ATP7B: variants seen among roughly 807,000 people sequenced by gnomAD.
ATP7B encodes the protein copper-transporting ATPase 2.
In ATP7B, 113 loss-of-function variants were observed where a neutral mutation model predicts 118.9. That is an observed-to-expected ratio of 0.95 (90% CI 0.82 to 1.11). The LOEUF is 1.11. Ranked by LOEUF, ATP7B falls within the 50% of genes most tolerant of loss-of-function variation. The probability of loss-of-function intolerance (pLI) is 0.00; values close to 1 mark genes in which losing one functional copy is unlikely to be tolerated. For missense variants in ATP7B, 1,867 were observed against 1,871.4 expected (o/e 1.00, Z 0.04); for synonymous variants, 777 against 727.4 (o/e 1.07, Z -1.10).
chr13:51,949,051 G>A (rs1393162011), intron 12 of ATP7B, among the ~76,000 whole-genome samples: 2 of 152,068 alleles, frequency 1.3e-5, no homozygotes, highest in East Asian at 3.9e-4. Flanking sequence ...GTGGTGGCGT[G>A]TGCCTGTAGT....
At position 51,934,992 on chromosome 13, in the gene ATP7B, C is replaced by T. The variant is rs745866259; in HGVS notation, c.4162G>A (p.Ala1388Thr). The T allele has an allele frequency of 3.2e-5, 51 of 1,613,938 alleles. 1 individual carries two copies. The Admixed American group carries it at 7.8e-4, about 25-fold the overall frequency. Residue 1388 changes from alanine to threonine, a missense_variant, in exon 21 of 21, where the codon GCG (alanine) becomes ACG (threonine). Physicochemically the swap from Ala to Thr is moderately conservative, Grantham distance 58. Transcript: ENST00000242839. ...GTCAGGGGCTTCATGTGGCCATGCG[C>T]CTGTGCCTCATACCTCTCCAGGTCA... Reference protein sequence around the residue: ...KPDLERYEAQAHGHMKPLTAS... With the variant: ...KPDLERYEAQTHGHMKPLTAS...
intron 17 of ATP7B, 33 bp downstream of exon 17, chr13:51,939,018 C>T: frequency 6.2e-7 from 1 of 1,614,210 alleles, no homozygotes; most frequent in Non-Finnish European, 8.5e-7. Flanking sequence ...CTTTTATGAG[C>T]TTTACACAGT....
At chr13:51,941,328 A>G (rs1042376420) in intron 15 of ATP7B, 104 bp from the exon 16 acceptor site, 26 of 1,452,610 alleles carry the variant, frequency 1.8e-5, no homozygotes, top group Non-Finnish European at 2.3e-5. Flanking sequence ...ACCATTCTGA[A>G]AAACTGTAAC....
chr13:51,969,856 T>G (rs1874978718), intron 3 of ATP7B, among the ~76,000 whole-genome samples: 1 of 152,198 alleles, frequency 6.6e-6, no homozygotes, highest in Non-Finnish European at 1.5e-5. Context: ...AATTCAGGGC[T>G]GATTCTAAGG....
At chr13:51,948,212 A>C (rs2139130124) in intron 12 of ATP7B, among the ~76,000 whole-genome samples, 2 of 152,290 alleles carry the variant, frequency 1.3e-5, no homozygotes, top group East Asian at 3.9e-4. Flanking sequence ...TATACTTTTA[A>C]TTATGTGAAG....
chr13:51,985,045 A>G (rs976213241), intron 1 of ATP7B, among the ~76,000 whole-genome samples: 2 of 152,230 alleles, frequency 1.3e-5, no homozygotes, highest in Non-Finnish European at 2.9e-5. Flanking sequence ...TCATAATGAC[A>G]GGATCAAATT....
intron 4 of ATP7B, 24 bp from the exon 5 acceptor site, chr13:51,965,057 C>T (rs1261848338): frequency 3.1e-6 from 5 of 1,613,312 alleles, no homozygotes; most frequent in East Asian, 4.5e-5. Context: ...TGGCAAGAAT[C>T]CCACAGACCC....
At chr13:51,953,443 GTCTT>G (rs1435169507) in intron 9 of ATP7B, among the ~76,000 whole-genome samples, 3 of 152,236 alleles carry the variant, frequency 2.0e-5, no homozygotes, top group Non-Finnish European at 2.9e-5. Flanking sequence ...ACAGTTGGGT[GTCTT>G]TCTAAGAAAT....
Position 51,934,864 on chromosome 13 carries a change from C to T in ATP7B, c.4290G>A (p.Leu1430=), listed in dbSNP as rs1484552869. 3 of 1,614,212 alleles carry T rather than the reference C, an allele frequency of 1.9e-6. No homozygotes were observed. In the African/African-American group the frequency reaches 4.0e-5, roughly 22 times the overall value. Residue 1430 remains leucine, a synonymous_variant, in exon 21 of 21, where the codon CTG becomes CTA. Transcript: ENST00000242839. ...DQVSYVSQVS[L]SSLTSDKPSR... is the part of the protein sequence containing the mutation. The stretch of plus-strand genomic sequence containing the variant: ...ATGGCTTGTCGGACGTCAGGGAGGA[C>T]AGCGACACCTGGCTGACATAGCTGA...
At chr13:51,953,170 T>A (rs577576773) in intron 9 of ATP7B, among the ~76,000 whole-genome samples, 1 of 152,324 alleles carries the variant, frequency 6.6e-6, no homozygotes, top group Non-Finnish European at 1.5e-5. Context: ...TATTCTCTGC[T>A]TAATTTTAAA....
At chr13:51,963,092 CAAAA>C (rs1165735824) in intron 5 of ATP7B, among the ~76,000 whole-genome samples, 1 of 136,204 alleles carries the variant, frequency 7.3e-6, no homozygotes, top group Non-Finnish European at 1.6e-5. Flanking sequence ...AACACCAACT[CAAAA>C]AAAAAAAGAA....
intron 1 of ATP7B, among the ~76,000 whole-genome samples, chr13:51,982,698 T>C (rs1240522927): frequency 6.6e-6 from 1 of 152,098 alleles, no homozygotes; most frequent in African/African-American, 2.4e-5. Flanking sequence ...AGGAGGGTGA[T>C]TTCTGCATTT....
chr13:51,958,514 C>T lies in ATP7B; in HGVS notation c.2152G>A (p.Ala718Thr). 2 of 1,614,178 alleles carry T rather than the reference C, an allele frequency of 1.2e-6. No individual in the cohort carries two copies. The highest frequency in any genetic ancestry group is 8.5e-7 in the Non-Finnish European group (1 of 1,180,026). The change falls in exon 8 of 21, where the codon GCC becomes ACC. Residue 718 changes from alanine (A) to threonine (T), a missense_variant. By Grantham distance (58) the Ala-to-Thr change is moderately conservative. Transcript: ENST00000242839. ...GACCTGTGTCTCAGAGATTTGTAGGCCTGAACGTAGAAGTACCACCCACCG... is the reference window on the plus strand; with the variant it reads ...GACCTGTGTCTCAGAGATTTGTAGGTCTGAACGTAGAAGTACCACCCACCG... ...LLGGWYFYVQ[A>T]YKSLRHRSAN...
chr13:51,934,876 G>T lies in ATP7B; in HGVS notation c.4278C>A (p.Ser1426Arg), dbSNP rs1386613610. 2 of 1,614,204 alleles carry T rather than the reference G, an allele frequency of 1.2e-6. No homozygotes were observed. The highest frequency in any genetic ancestry group is 1.7e-6 in the Non-Finnish European group (2 of 1,180,054). Reference protein sequence around the residue: ...ATPWDQVSYVSQVSLSSLTSD... With the variant: ...ATPWDQVSYVRQVSLSSLTSD... ...ACGTCAGGGAGGACAGCGACACCTGGCTGACATAGCTGACCTGGTCCCATG... is the reference window on the plus strand; with the variant it reads ...ACGTCAGGGAGGACAGCGACACCTGTCTGACATAGCTGACCTGGTCCCATG... Residue 1426 changes from serine (S) to arginine (R), a missense_variant, in exon 21 of 21, where the codon AGC (serine) becomes AGA (arginine). Transcript: ENST00000242839.
intron 1 of ATP7B, among the ~76,000 whole-genome samples, chr13:51,982,304 C>T (rs74380418): frequency 1.7e-3 from 266 of 152,172 alleles, no homozygotes; most frequent in African/African-American, 6.1e-3. Flanking sequence ...TTCTGAATTT[C>T]TTGAGGGTAT....
At chr13:51,946,641 C>T (rs1462245642) in intron 12 of ATP7B, 163 bp from the exon 13 acceptor site, 19 of 769,294 alleles carry the variant, frequency 2.5e-5, no homozygotes, top group South Asian at 6.2e-5. Flanking sequence ...ATAGAGAACA[C>T]GTTACTGCTC....
chr13:51,941,445 T>G (rs565105604), intron 15 of ATP7B, among the ~76,000 whole-genome samples: 1 of 152,028 alleles, frequency 6.6e-6, no homozygotes, highest in Non-Finnish European at 1.5e-5. Context: ...TAATAGTACA[T>G]GCTACATGGG....
At chr13:51,980,327 A>C (rs1185079138) in intron 1 of ATP7B, among the ~76,000 whole-genome samples, 1 of 152,168 alleles carries the variant, frequency 6.6e-6, no homozygotes, top group Non-Finnish European at 1.5e-5. Context: ...CTAGCTTTTG[A>C]ATTTTTGATA....
rs1389766014 is a variant in ATP7B at position 51,933,890 on chromosome 13, G to C, written c.*866C>G. 6.6e-6 allele frequency: 1 copy of C among 152,004 alleles called. No individual in the cohort carries two copies. Among genetic ancestry groups the C allele is most frequent in the African/African-American group, 2.4e-5 (1 of 41,320 alleles). 9.4% of individuals were successfully genotyped at this position (152,004 alleles called of 1,614,324 possible). A position where few individuals can be genotyped will look rare whatever the true frequency, so the allele number is the denominator to read the frequency against. On this transcript the variant is annotated 3_prime_UTR_variant, in exon 21 of 21. Coordinates refer to ENST00000242839, the MANE Select transcript of ATP7B (RefSeq NM_000053.4). ...TATGGAAGGACGTCCTGAATCGCGAGAACCTACACCCCACAGGAAGCCGAG... is the reference window on the plus strand; with the variant it reads ...TATGGAAGGACGTCCTGAATCGCGACAACCTACACCCCACAGGAAGCCGAG...
Sources: gnomAD v4.1 joint callset for allele counts (sites outside exome capture counted in the v4.1 genomes callset) on GRCh38, gnomAD v4.1.1 for gene constraint, MANE v1.5 for transcripts, NCBI Gene and HGNC (gene_info 2026-07-23, HGNC 2026-07-21) for gene names.